Variants in XKR6 observed in about 807,000 individuals in gnomAD.
XKR6 encodes the protein XK-related protein 6.
A neutral mutation model predicts 56.7 loss-of-function variants in XKR6; 22 were observed. That is an observed-to-expected ratio of 0.39 (90% CI 0.28 to 0.55). The LOEUF (loss-of-function observed/expected upper bound fraction) is 0.55. Among genes scored for constraint, XKR6 ranks in the 20% least tolerant of loss-of-function variants. The pLI is 0.66. For missense variants in XKR6, 852 were observed against 889.0 expected, an observed-to-expected ratio of 0.96 and a Z score of 0.53; for synonymous variants, 524 against 387.8, an observed-to-expected ratio of 1.35 and a Z score of -4.13.
At position 10,897,352 on chromosome 8, in the gene XKR6, G is replaced by C. The variant is rs1366165119; in HGVS notation, c.*600C>G. 1 of 152,506 alleles carries C rather than the reference G, an allele frequency of 6.6e-6. No individual in the cohort carries two copies. The highest frequency in any genetic ancestry group is 6.5e-5 in the Admixed American group (1 of 15,272). 9.4% of individuals were successfully genotyped at this position (152,506 alleles called of 1,614,324 possible). Reference sequence around the variant, plus strand: ...ATAATTGCTTTGTGTTGTATTTGTTGGTTGGTTTTTGTTTCACTTTTAGAT... The same window carrying C: ...ATAATTGCTTTGTGTTGTATTTGTTCGTTGGTTTTTGTTTCACTTTTAGAT... On this transcript the variant is annotated 3_prime_UTR_variant, in exon 3 of 3. Transcript: ENST00000416569.
intron 1 of XKR6, among the ~76,000 whole-genome samples, chr8:11,069,441 G>T (rs1220278773): frequency 1.3e-5 from 2 of 152,092 alleles, no homozygotes; most frequent in Non-Finnish European, 2.9e-5. Context: ...GCCAGAGCCT[G>T]TGTTGCCACA....
At chr8:11,010,163 GGAA>G (rs1336221468) in intron 1 of XKR6, among the ~76,000 whole-genome samples, 1 of 152,120 alleles carries the variant, frequency 6.6e-6, no homozygotes, top group Non-Finnish European at 1.5e-5. Flanking sequence ...CACAACAGGA[GGAA>G]GAGAGAGAAG....
At chr8:11,038,944 G>A (rs17152797) in intron 1 of XKR6, among the ~76,000 whole-genome samples, 6 of 152,000 alleles carry the variant, frequency 3.9e-5, no homozygotes, top group East Asian at 1.9e-4. Context: ...ACACTCACTC[G>A]TTTCCCACTA....
At chr8:10,925,914 G>A (rs779041078) in intron 1 of XKR6, among the ~76,000 whole-genome samples, 12 of 152,128 alleles carry the variant, frequency 7.9e-5, no homozygotes, top group Admixed American at 2.6e-4. Flanking sequence ...CAGGGTAGAG[G>A]TTGTGGACAG....
At chr8:11,045,830 G>A (rs1342585236) in intron 1 of XKR6, among the ~76,000 whole-genome samples, 2 of 152,186 alleles carry the variant, frequency 1.3e-5, no homozygotes, top group Admixed American at 6.5e-5. Flanking sequence ...GAAAGTAAAC[G>A]TTTACTGTGT....
In XKR6 at chr8:11,201,475, AG is replaced by A. The variant is rs947501589; in HGVS notation, c.-137del. ...GAGGAAGCGGGGGAGCAAACGAACG[AG>A]GGGGGAGTGGGCCAGGGAACCCCCT... is the stretch of plus-strand genomic sequence containing the variant. On this transcript the variant is annotated 5_prime_UTR_variant, in exon 1 of 3. Coordinates refer to ENST00000416569, the MANE Select transcript of XKR6 (RefSeq NM_173683.4). 2.4e-5 allele frequency: 13 copies of A among 543,564 alleles called. No homozygotes were observed. Among genetic ancestry groups the A allele is most frequent in the African/African-American group, 6.3e-5 (3 of 47,290 alleles). The allele number at this position is 543,564 out of a possible 1,614,324, so 33.7% of individuals were successfully genotyped here. A position where few individuals can be genotyped will look rare whatever the true frequency, so the allele number is the denominator to read the frequency against.
intron 2 of XKR6, among the ~76,000 whole-genome samples, chr8:10,909,833 T>C (rs1800297207): frequency 6.6e-6 from 1 of 152,214 alleles, no homozygotes; most frequent in African/African-American, 2.4e-5. Flanking sequence ...GTTATTTCAT[T>C]GAATTTAATG....
chr8:11,161,855 A>G (rs1213805875), intron 1 of XKR6, among the ~76,000 whole-genome samples: 1 of 152,180 alleles, frequency 6.6e-6, no homozygotes, highest in Non-Finnish European at 1.5e-5. Flanking sequence ...CTTCACTGAA[A>G]AAGACGGAAA....
intron 1 of XKR6, among the ~76,000 whole-genome samples, chr8:11,133,030 T>C (rs1281324787): frequency 2.6e-5 from 4 of 152,120 alleles, no homozygotes; most frequent in Admixed American, 6.5e-5. Context: ...AAGTAATTCA[T>C]TTGACATCTA....
Position 11,054,378 on chromosome 8 carries a change from T to C in XKR6, c.765-129548A>G, listed in dbSNP as rs1279023531. On this transcript the variant is annotated intron_variant, in intron 1 of 2. Transcript: ENST00000416569. ...GGCCTGAAGCCTGACTCAAGGACTA[T>C]GTGCCCTGTACAAGAAATCTGTCCA... Among the ~76,000 whole-genome samples, 5 of 152,232 alleles carry C rather than the reference T, an allele frequency of 3.3e-5. No individual in the cohort carries two copies. In the East Asian group the frequency reaches 9.6e-4, roughly 29 times the overall value.
intron 1 of XKR6, among the ~76,000 whole-genome samples, chr8:10,982,613 G>A (rs1190334008): frequency 1.3e-5 from 2 of 152,216 alleles, no homozygotes; most frequent in Non-Finnish European, 2.9e-5. Context: ...GTAATGGTGA[G>A]AAGTCCGGGA....
At chr8:11,020,415 G>C (rs577604312) in intron 1 of XKR6, among the ~76,000 whole-genome samples, 2 of 152,204 alleles carry the variant, frequency 1.3e-5, no homozygotes, top group Non-Finnish European at 2.9e-5. Context: ...GAGTCCCAAT[G>C]ATGTGGCAAG....
At chr8:11,022,926 G>C (rs1798778629) in intron 1 of XKR6, among the ~76,000 whole-genome samples, 1 of 152,186 alleles carries the variant, frequency 6.6e-6, no homozygotes, top group Admixed American at 6.5e-5. Context: ...TCTAACTCAA[G>C]GCCGTGACCC....
chr8:10,967,493 AC>A (rs1802260106), intron 1 of XKR6, among the ~76,000 whole-genome samples: 1 of 152,170 alleles, frequency 6.6e-6, no homozygotes. Flanking sequence ...AGGAGCCAAG[AC>A]CAGGTGGACA....
At chr8:11,093,777 T>C (rs1040451733) in intron 1 of XKR6, among the ~76,000 whole-genome samples, 4 of 152,184 alleles carry the variant, frequency 2.6e-5, no homozygotes, top group Admixed American at 6.5e-5. Flanking sequence ...CTTTACATTA[T>C]GTAATTTTTT....
chr8:11,115,681 C>T (rs1158470952), intron 1 of XKR6, among the ~76,000 whole-genome samples: 1 of 152,148 alleles, frequency 6.6e-6, no homozygotes, highest in Non-Finnish European at 1.5e-5. Flanking sequence ...AAATTAAGCT[C>T]CATGTTCATC....
chr8:11,048,989 A>G (rs1799478226), intron 1 of XKR6, among the ~76,000 whole-genome samples: 1 of 152,198 alleles, frequency 6.6e-6, no homozygotes, highest in African/African-American at 2.4e-5. Context: ...AATGAGATCA[A>G]CAGGGTGTCT....
At chr8:11,106,951 C>A (rs560619431) in intron 1 of XKR6, among the ~76,000 whole-genome samples, 1 of 151,634 alleles carries the variant, frequency 6.6e-6, no homozygotes, top group Non-Finnish European at 1.5e-5. Flanking sequence ...TACTTCCCCA[C>A]AAGAAGCTAC....
chr8:11,007,210 T>C (rs1798390192), intron 1 of XKR6, among the ~76,000 whole-genome samples: 1 of 152,200 alleles, frequency 6.6e-6, no homozygotes, highest in Admixed American at 6.5e-5. Context: ...GAGATAGGAA[T>C]TCAACATCCA....
Sources: gnomAD v4.1 joint callset for allele counts (sites outside exome capture counted in the v4.1 genomes callset) on GRCh38, gnomAD v4.1.1 for gene constraint, MANE v1.5 for transcripts, NCBI Gene and HGNC (gene_info 2026-07-23, HGNC 2026-07-21) for gene names.